Variants in GLRB observed in about 807,000 individuals in gnomAD.
GLRB encodes the protein glycine receptor beta.
In GLRB, 33 loss-of-function variants were observed where a neutral mutation model predicts 54.2. The observed-to-expected ratio is 0.61, with a 90% CI of 0.46 to 0.81. GLRB has a LOEUF of 0.81. GLRB is among the 40% of genes least tolerant of loss of function. GLRB has a pLI of 0.00. For missense variants in GLRB, 572 were observed against 584.6 expected (o/e 0.98, Z 0.22); for synonymous variants, 209 against 208.2 (o/e 1.00, Z -0.03).
intron 4 of GLRB, among the ~76,000 whole-genome samples, chr4:157,131,698 A>T (rs894072503): frequency 6.6e-6 from 1 of 151,758 alleles, no homozygotes; most frequent in African/African-American, 2.4e-5. Context: ...TTTTCAGATT[A>T]GCTTCTTTCA....
At chr4:157,147,028 T>C in intron 8 of GLRB, among the ~76,000 whole-genome samples, 1 of 152,162 alleles carries the variant, frequency 6.6e-6, no homozygotes, top group Non-Finnish European at 1.5e-5. Flanking sequence ...TTTGAGAAGA[T>C]GGGCAGGCCA....
At chr4:157,136,922 A>G in intron 6 of GLRB, 36 bp downstream of exon 6, 1 of 1,273,816 alleles carries the variant, frequency 7.9e-7, no homozygotes, top group Non-Finnish European at 1.1e-6. Flanking sequence ...TATGAAAATA[A>G]AGTGTTTAAA....
chr4:157,131,395 A>G (rs920662047), intron 4 of GLRB, among the ~76,000 whole-genome samples: 2 of 151,780 alleles, frequency 1.3e-5, no homozygotes, highest in African/African-American at 4.8e-5. Flanking sequence ...TAAACACACC[A>G]AATTGATACA....
At chr4:157,140,251 A>G (rs11946894) in intron 7 of GLRB, among the ~76,000 whole-genome samples, 18,312 of 151,988 alleles carry the variant, frequency 0.12, 2,685 homozygotes, top group African/African-American at 0.35. Context: ...GTCATAGATA[A>G]TAAGATATGG....
chr4:157,095,433 A>G (rs1436606909), intron 2 of GLRB, among the ~76,000 whole-genome samples: 1 of 152,224 alleles, frequency 6.6e-6, no homozygotes, highest in Non-Finnish European at 1.5e-5. Context: ...TCCATTAGAC[A>G]TCAGGAGAAA....
Position 157,143,934 on chromosome 4 carries a change from C to G in GLRB, c.879C>G (p.Asp293Glu). ...LSWLSFWINP[D>E]ASAARVPLGI... ...GGCTTTCCTTCTGGATCAACCCGGACGCGAGTGCTGCCAGAGTGCCCCTGG... is the reference window on the plus strand; with the variant it reads ...GGCTTTCCTTCTGGATCAACCCGGAGGCGAGTGCTGCCAGAGTGCCCCTGG... The change falls in exon 8 of 10, where the codon GAC (aspartate) becomes GAG (glutamate). Residue 293 changes from aspartate to glutamate, a missense_variant. Coordinates refer to ENST00000264428, the MANE Select transcript of GLRB (RefSeq NM_000824.5). 1.2e-6 allele frequency: 2 copies of G among 1,614,040 alleles called. No homozygotes were observed. Among genetic ancestry groups the G allele is most frequent in the Non-Finnish European group, 1.7e-6 (2 of 1,179,992 alleles).
At chr4:157,086,001 C>G (rs1256777425) in intron 2 of GLRB, among the ~76,000 whole-genome samples, 2 of 152,074 alleles carry the variant, frequency 1.3e-5, no homozygotes. Context: ...GGATCTTACT[C>G]TGTTGCCCAG....
chr4:157,157,816 T>G (rs368608798), intron 9 of GLRB, among the ~76,000 whole-genome samples: 1 of 152,236 alleles, frequency 6.6e-6, no homozygotes, highest in East Asian at 1.9e-4. Context: ...GCATGTGTCT[T>G]TATAGCAACA....
chr4:157,145,192 C>A (rs2126586802), intron 8 of GLRB, among the ~76,000 whole-genome samples: 1 of 152,268 alleles, frequency 6.6e-6, no homozygotes, highest in Admixed American at 6.5e-5. Context: ...AAGAATTTTT[C>A]ATCTCCATTC....
At chr4:157,082,695 AT>A (rs1734266208) in intron 2 of GLRB, among the ~76,000 whole-genome samples, 1 of 152,214 alleles carries the variant, frequency 6.6e-6, no homozygotes, top group Middle Eastern at 3.4e-3. Flanking sequence ...ATAGTCAATT[AT>A]TTGTCAATGA....
intron 4 of GLRB, among the ~76,000 whole-genome samples, chr4:157,128,732 T>G (rs1393492590): frequency 2.0e-5 from 3 of 151,758 alleles, no homozygotes; most frequent in Non-Finnish European, 4.4e-5. Flanking sequence ...CCTTGAAAAA[T>G]GATATATTGA....
At position 157,166,955 on chromosome 4, in the gene GLRB, G is replaced by T. The variant is rs144509619; in HGVS notation, c.1198-3477G>T. 1.7e-3 allele frequency among the ~76,000 whole-genome samples: 261 copies of T among 151,934 alleles called. 4 individuals carry two copies. The East Asian group carries it at 0.037, about 22-fold the overall frequency. ...TAGAAAATTGGAAATATTTATTTGT[G>T]GCCTAGGTTATAATATTATATAAAT... On this transcript the variant is annotated intron_variant, in intron 9 of 9. Transcript: ENST00000264428.
chr4:157,106,689 G>T (rs1445772869), intron 2 of GLRB, among the ~76,000 whole-genome samples: 1 of 151,974 alleles, frequency 6.6e-6, no homozygotes, highest in Admixed American at 6.6e-5. Flanking sequence ...AGCCCTCTAG[G>T]TTCTCAGGCT....
At chr4:157,119,737 G>A (rs1259424689) in intron 2 of GLRB, among the ~76,000 whole-genome samples, 1 of 151,708 alleles carries the variant, frequency 6.6e-6, no homozygotes, top group Non-Finnish European at 1.5e-5. Context: ...GGAAACAACA[G>A]GTGCTGGAGA....
rs79152408 is a variant in GLRB, at chr4:157,087,632, C to G, written c.122+9486C>G. On this transcript the variant is annotated intron_variant, in intron 2 of 9. Coordinates refer to ENST00000264428, the MANE Select transcript of GLRB (RefSeq NM_000824.5). The stretch of plus-strand genomic sequence containing the variant: ...ATTCTATTTCTTGGGGAAGTTAACT[C>G]CAAAGGAAATCTAATTCCAGAGTTG... Among the ~76,000 whole-genome samples the G allele has an allele frequency of 6.3e-3, 957 of 152,002 alleles. 22 individuals carry two copies. In the East Asian group the frequency reaches 0.1, roughly 16 times the overall value.
Position 157,095,876 on chromosome 4 carries a change from C to T in GLRB, c.122+17730C>T, listed in dbSNP as rs76891347. On this transcript the variant is annotated intron_variant, in intron 2 of 9. Transcript: ENST00000264428. ...AGTCATGCTCGAATATTTACTGTGC[C>T]TCAGATGTGGTCACACAAGAGACCA... Among the ~76,000 whole-genome samples the T allele has an allele frequency of 3.8e-3, 583 of 152,148 alleles. 19 individuals carry two copies. In the East Asian group the frequency reaches 0.1, roughly 26 times the overall value.
At chr4:157,102,497 T>C (rs1301712304) in intron 2 of GLRB, among the ~76,000 whole-genome samples, 1 of 152,212 alleles carries the variant, frequency 6.6e-6, no homozygotes, top group African/African-American at 2.4e-5. Flanking sequence ...TTATCTGTCT[T>C]GTTGCATACA....
intron 9 of GLRB, among the ~76,000 whole-genome samples, chr4:157,155,554 A>T (rs760688007): frequency 3.3e-5 from 5 of 152,146 alleles, no homozygotes; most frequent in Non-Finnish European, 7.4e-5. Context: ...TAGATGTAGG[A>T]TTGTAAGGTT....
intron 4 of GLRB, among the ~76,000 whole-genome samples, chr4:157,133,509 T>C (rs1176927435): frequency 6.6e-6 from 1 of 151,964 alleles, no homozygotes; most frequent in Non-Finnish European, 1.5e-5. Context: ...CTTTTTCAAG[T>C]TATGTTTGAC....
Sources: gnomAD v4.1 joint callset for allele counts (sites outside exome capture counted in the v4.1 genomes callset) on GRCh38, gnomAD v4.1.1 for gene constraint, MANE v1.5 for transcripts, NCBI Gene and HGNC (gene_info 2026-07-23, HGNC 2026-07-21) for gene names.